The following FAT2 variants were observed in gnomAD, a reference collection of about 807,000 sequenced individuals.
FAT2 encodes FAT atypical cadherin 2.
FAT2 carries 150 observed loss-of-function variants against 295.3 expected under a neutral mutation model. The ratio of observed to expected loss-of-function variants is 0.51; its 90% CI spans 0.44 to 0.58. The LOEUF (loss-of-function observed/expected upper bound fraction) is 0.58. Ranked by LOEUF, FAT2 falls within the 20% of genes least tolerant of loss-of-function variation. FAT2 has a pLI of 0.00. For missense variants in FAT2, 4,868 were observed against 5,442.7 expected (o/e 0.89, Z 3.32); for synonymous variants, 2,026 against 2,150.3 (o/e 0.94, Z 1.60).
Position 151,512,672 on chromosome 5 carries a change from GC to G in FAT2, c.11464-67del. On this transcript the variant is annotated intron_variant, in intron 20 of 23. Transcript: ENST00000261800. This position sits in a 1 kb window ranked among gnomAD's most constrained non-coding sequence, Gnocchi z 4.1. ...GTCCTTGTAAACCTGCTAAGAGGCT[GC>G]CAGTTCAAAGAATGTTGTTTGTATT... 1 of 1,387,320 alleles carries G rather than the reference GC, an allele frequency of 7.2e-7. No homozygotes were observed. The highest frequency in any genetic ancestry group is 9.8e-7 in the Non-Finnish European group (1 of 1,022,118). The allele number at this position is 1,387,320 out of a possible 1,614,324, so 85.9% of individuals were successfully genotyped here.
chr5:151,536,781 C>A (rs1002628935), intron 12 of FAT2, among the ~76,000 whole-genome samples: 3 of 152,186 alleles, frequency 2.0e-5, no homozygotes, highest in Non-Finnish European at 4.4e-5. Context: ...AGCATAGATA[C>A]CTTGAGATCA....
At position 151,512,717 on chromosome 5, in the gene FAT2, G is replaced by T. The variant is rs1761416675; in HGVS notation, c.11464-111C>A. Reference sequence around the variant, plus strand: ...TTGTATTTTTATGGGTAGGAGGGGGGTGTTTGGCTGTTTTAGACATGGCAT... The same window carrying T: ...TTGTATTTTTATGGGTAGGAGGGGGTTGTTTGGCTGTTTTAGACATGGCAT... On this transcript the variant is annotated intron_variant, in intron 20 of 23. Transcript: ENST00000261800. The surrounding 1 kb of genome is among the most constrained non-coding windows in gnomAD (Gnocchi z 4.1). 2 of 998,428 alleles carry T rather than the reference G, an allele frequency of 2.0e-6. No homozygotes were observed. The highest frequency in any genetic ancestry group is 2.7e-5 in the Admixed American group (1 of 36,830). The allele number at this position is 998,428 out of a possible 1,614,324, so 61.8% of individuals were successfully genotyped here. A position where few individuals can be genotyped will look rare whatever the true frequency, so the allele number is the denominator to read the frequency against.
chr5:151,506,037 T>A lies in FAT2; in HGVS notation c.12578A>T (p.Tyr4193Phe). Residue 4193 changes from tyrosine to phenylalanine, a missense_variant, in exon 24 of 24, where the codon TAC becomes TTC. By Grantham distance (22) the Tyr-to-Phe change is conservative (BLOSUM62 3). This residue lies in a region of FAT2 where 492 missense variants were observed against 482.6 expected (regional missense o/e 1.02). Transcript: ENST00000261800. ...PTYSRNERWEYPHSEVTQGPL... is the reference protein window; with the variant it reads ...PTYSRNERWEFPHSEVTQGPL... ...GCCCTGAGTCACTTCGGAGTGGGGGTATTCCCAGCGTTCGTTCCTGGAGTA... is the reference window on the plus strand; with the variant it reads ...GCCCTGAGTCACTTCGGAGTGGGGGAATTCCCAGCGTTCGTTCCTGGAGTA... 2 of 1,564,928 alleles carry A rather than the reference T, an allele frequency of 1.3e-6. No individual in the cohort carries two copies. Among genetic ancestry groups the A allele is most frequent in the Non-Finnish European group, 1.7e-6 (2 of 1,160,748 alleles).
chr5:151,579,357 A>C (rs1419719072), intron 1 of FAT2, among the ~76,000 whole-genome samples: 1 of 152,172 alleles, frequency 6.6e-6, no homozygotes, highest in African/African-American at 2.4e-5. Context: ...GGATTGCTTG[A>C]AGCCAGAAGT....
chr5:151,576,929 A>G (rs1758770720), intron 1 of FAT2, among the ~76,000 whole-genome samples: 1 of 152,192 alleles, frequency 6.6e-6, no homozygotes, highest in South Asian at 2.1e-4. Flanking sequence ...CCTGTACGGT[A>G]TCCTACTCTA....
rs1758369238 is a variant in FAT2 at position 151,568,170 on chromosome 5, T to G, written c.762A>C (p.Pro254=). The change falls in exon 2 of 24, where the codon CCA becomes CCC. Residue 254 remains proline, a synonymous_variant. Transcript: ENST00000261800. Reference sequence around the variant, plus strand: ...GAGTCACCACCACCGAAGCAATGGCTGGGGGCTTCCTGAGGGCAGGCTCCA... The same window carrying G: ...GAGTCACCACCACCGAAGCAATGGCGGGGGGCTTCCTGAGGGCAGGCTCCA... The part of the protein sequence containing the change: ...VHVEPALRKP[P]AIASVVVTPP... 6.2e-7 allele frequency: 1 copy of G among 1,614,088 alleles called. No homozygotes were observed. Among genetic ancestry groups the G allele is most frequent in the South Asian group, 1.1e-5 (1 of 91,078 alleles).
rs1253267337 is a variant in FAT2 at position 151,543,378 on chromosome 5, T to TG, written c.7748dup (p.Gln2584ThrfsTer6). 2.5e-6 allele frequency: 4 copies of TG among 1,614,062 alleles called. No homozygotes were observed. The highest frequency in any genetic ancestry group is 3.4e-6 in the Non-Finnish European group (4 of 1,179,998). ...CTGTGTACTCAGATGCTTTGAACTGTGGGGGGTTGTCATTTTCATCTGTGA... is the reference window on the plus strand; with the variant it reads ...CTGTGTACTCAGATGCTTTGAACTGTGGGGGGGTTGTCATTTTCATCTGTGA... On this transcript the variant is annotated frameshift_variant, in exon 10 of 24. Transcript: ENST00000261800. LOFTEE classifies it high-confidence loss of function.
rs747199201 is a variant in FAT2 at position 151,567,615 on chromosome 5, C to T, written c.1317G>A (p.Gln439=). 1 of 1,614,128 alleles carries T rather than the reference C, an allele frequency of 6.2e-7. No individual in the cohort carries two copies. The highest frequency in any genetic ancestry group is 2.2e-5 in the East Asian group (1 of 44,882). The change falls in exon 2 of 24, where the codon CAG becomes CAA. Residue 439 remains glutamine, a synonymous_variant. Transcript: ENST00000261800. The part of the protein sequence containing the change: ...YQLHIRTSPG[Q]ASTVVVIDIV... Reference sequence around the variant, plus strand: ...TGTCAATGACCACCACGGTGGAGGCCTGGCCCGGTGAGGTTCTGATGTGTA... The same window carrying T: ...TGTCAATGACCACCACGGTGGAGGCTTGGCCCGGTGAGGTTCTGATGTGTA...
chr5:151,593,317 G>C (rs969968272), upstream of FAT2, among the ~76,000 whole-genome samples: 1 of 142,740 alleles, frequency 7.0e-6, no homozygotes, highest in African/African-American at 3.1e-5. Flanking sequence ...CGGGGGCCAA[G>C]GCTGGGCTCC....
chr5:151,531,500 A>G lies in FAT2; in HGVS notation c.9811+87T>C. ...AGGTCTGCTCTGGGAGGCGCTGCACAGGGTAGATACCCACACAGGGGAGGA... is the reference window on the plus strand; with the variant it reads ...AGGTCTGCTCTGGGAGGCGCTGCACGGGGTAGATACCCACACAGGGGAGGA... On this transcript the variant is annotated intron_variant, in intron 14 of 23. Coordinates refer to ENST00000261800, the MANE Select transcript of FAT2 (RefSeq NM_001447.3). The surrounding 1 kb of genome is among the most constrained non-coding windows in gnomAD (Gnocchi z 5.7). 1 of 1,546,020 alleles carries G rather than the reference A, an allele frequency of 6.5e-7. No homozygotes were observed. Among genetic ancestry groups the G allele is most frequent in the Non-Finnish European group, 8.8e-7 (1 of 1,136,976 alleles).
chr5:151,551,204 A>G (rs1457457066), intron 7 of FAT2, among the ~76,000 whole-genome samples: 4 of 152,200 alleles, frequency 2.6e-5, no homozygotes, highest in Non-Finnish European at 4.4e-5. Flanking sequence ...TCATCCCCCT[A>G]TACCCATAGT....
chr5:151,565,647 A>AGGGCCCCCCCCC, intron 2 of FAT2, 26 bp downstream of exon 2: 1 of 1,461,022 alleles, frequency 6.8e-7, no homozygotes, highest in Non-Finnish European at 9.3e-7. Context: ...TGGCCCTGGC[A>AGGGCCCCCCCCC]CCCCACCCTA....
chr5:151,568,969 G>A lies in FAT2; in HGVS notation c.-20-18C>T. Reference sequence around the variant, plus strand: ...CCGAAACCCTGGGCAGAAAATAAAAGACAGGGTGCAAGTTAGGGGGAAAAA... The same window carrying A: ...CCGAAACCCTGGGCAGAAAATAAAAAACAGGGTGCAAGTTAGGGGGAAAAA... On this transcript the variant is annotated intron_variant, in intron 1 of 23. Transcript: ENST00000261800. 6.4e-7 allele frequency: 1 copy of A among 1,553,884 alleles called. No homozygotes were observed. Among genetic ancestry groups the A allele is most frequent in the Non-Finnish European group, 8.7e-7 (1 of 1,154,146 alleles).
chr5:151,584,559 C>A (rs7735042), intron 1 of FAT2, among the ~76,000 whole-genome samples: 6 of 152,184 alleles, frequency 3.9e-5, no homozygotes. Flanking sequence ...ATTTAGTACT[C>A]CCTTGGCTGC....
chr5:151,566,006 G>T lies in FAT2; in HGVS notation c.2926C>A (p.Leu976Met). Residue 976 changes from leucine (L) to methionine (M), a missense_variant, in exon 2 of 24, where the codon CTG becomes ATG. Physicochemically the swap from Leu to Met is conservative, Grantham distance 15. Around this residue, in one of 5 missense-constraint regions of FAT2, gnomAD observed 3,297 missense variants for 3,669.4 expected, o/e 0.90. Coordinates refer to ENST00000261800, the MANE Select transcript of FAT2 (RefSeq NM_001447.3). ...DGAHGTFRVD[L>M]MTGALILERE... ...TCCAGAATGAGCGCCCCTGTCATCA[G>T]GTCCACCCGGAAGGTCCCATGGGCG... The T allele has an allele frequency of 6.2e-7, 1 of 1,614,120 alleles. No individual in the cohort carries two copies. Among genetic ancestry groups the T allele is most frequent in the Non-Finnish European group, 8.5e-7 (1 of 1,180,018 alleles).
rs1281084380 is a variant in FAT2, at chr5:151,512,285, C to T, written c.11785G>A (p.Gly3929Ser). Reference protein sequence around the residue: ...NEEALDLLAPGKTVAGLLETQ... With the variant: ...NEEALDLLAPSKTVAGLLETQ... Reference sequence around the variant, plus strand: ...TCCAGCAAGCCTGCCACCGTCTTGCCAGGGGCCAGCAGATCTAGAGCCTCT... The same window carrying T: ...TCCAGCAAGCCTGCCACCGTCTTGCTAGGGGCCAGCAGATCTAGAGCCTCT... The change falls in exon 21 of 24, where the codon GGC (glycine) becomes AGC (serine). Residue 3929 changes from glycine to serine, a missense_variant. Gly to Ser is a moderately conservative substitution (Grantham distance 56). Around this residue, in one of 5 missense-constraint regions of FAT2, gnomAD observed 1,046 missense variants for 1,210.1 expected, o/e 0.86. Coordinates refer to ENST00000261800, the MANE Select transcript of FAT2 (RefSeq NM_001447.3). The surrounding 1 kb of genome is among the most constrained non-coding windows in gnomAD (Gnocchi z 4.1). The T allele has an allele frequency of 6.2e-7, 1 of 1,614,228 alleles. No homozygotes were observed. Among genetic ancestry groups the T allele is most frequent in the East Asian group, 2.2e-5 (1 of 44,890 alleles).
In FAT2 at chr5:151,522,735, C is replaced by T. The variant is rs565282034; in HGVS notation, c.10507-649G>A. ...AGTCCTGAGGGATGAGAAGAAGAGGCGACAGACAGAGGGAGCAGCAAGTGT... is the reference window on the plus strand; with the variant it reads ...AGTCCTGAGGGATGAGAAGAAGAGGTGACAGACAGAGGGAGCAGCAAGTGT... On this transcript the variant is annotated intron_variant, in intron 18 of 23. Coordinates refer to ENST00000261800, the MANE Select transcript of FAT2 (RefSeq NM_001447.3). Among the ~76,000 whole-genome samples the T allele has an allele frequency of 1.1e-4, 16 of 152,224 alleles. No homozygotes were observed. In the South Asian group the frequency reaches 2.1e-3, roughly 20 times the overall value.
chr5:151,554,739 A>C (rs2127632173), intron 4 of FAT2, 66 bp from the exon 5 acceptor site: 1 of 1,229,414 alleles, frequency 8.1e-7, no homozygotes, highest in African/African-American at 1.6e-5. Flanking sequence ...TGCTTTAACA[A>C]CCTGGAAATA....
At position 151,567,111 on chromosome 5, in the gene FAT2, T is replaced by C. The variant is rs143029232; in HGVS notation, c.1821A>G (p.Leu607=). 21 of 1,614,204 alleles carry C rather than the reference T, an allele frequency of 1.3e-5. No individual in the cohort carries two copies. In the African/African-American group the frequency reaches 2.4e-4, roughly 18 times the overall value. Residue 607 remains leucine (L), a synonymous_variant, in exon 2 of 24, where the codon CTA becomes CTG. Coordinates refer to ENST00000261800, the MANE Select transcript of FAT2 (RefSeq NM_001447.3). ...LKYEIVSGNE[L]EYFDLNHFSG... ...AGAAATGATTTAGATCAAAATACTC[T>C]AGTTCATTGCCTGATACAATCTCGT...
Sources: allele counts gnomAD v4.1 joint callset (sites outside exome capture counted in the v4.1 genomes callset), GRCh38; gene constraint gnomAD v4.1.1; regional missense constraint gnomAD v4.1.1; non-coding constraint Gnocchi (gnomAD v3.1); transcripts MANE v1.5; gene names NCBI Gene and HGNC (gene_info 2026-07-23, HGNC 2026-07-21).